SETBP1: variants seen among roughly 807,000 people sequenced by gnomAD.
SETBP1 encodes the protein SET binding protein 1.
A neutral mutation model predicts 101.0 loss-of-function variants in SETBP1; 9 were observed. The ratio of observed to expected loss-of-function variants is 0.09; its 90% CI spans 0.05 to 0.16. SETBP1 has a LOEUF of 0.16. Ranked by LOEUF, SETBP1 falls within the 10% of genes least tolerant of loss-of-function variation. The pLI is 1.00. For missense variants in SETBP1, 1,858 were observed against 2,033.8 expected, an observed-to-expected ratio of 0.91 and a Z score of 1.66; for synonymous variants, 818 against 788.5, an observed-to-expected ratio of 1.04 and a Z score of -0.63.
intron 3 of SETBP1, among the ~76,000 whole-genome samples, chr18:44,946,631 A>G (rs749855456): frequency 3.3e-5 from 5 of 152,140 alleles, no homozygotes; most frequent in Non-Finnish European, 5.9e-5. Flanking sequence ...TTAGTAGTGT[A>G]TTGTCTTTTG....
intron 2 of SETBP1, among the ~76,000 whole-genome samples, chr18:44,833,448 G>A (rs1164865898): frequency 1.3e-5 from 2 of 152,176 alleles, no homozygotes; most frequent in African/African-American, 4.8e-5. Context: ...GGTTGTTGGA[G>A]TCTGGAAGAC....
chr18:44,733,289 G>A (rs2069879427), intron 2 of SETBP1: 1 of 152,222 alleles, frequency 6.6e-6, no homozygotes, highest in Non-Finnish European at 1.5e-5. Flanking sequence ...TGGAAGTTGG[G>A]GATGTCAGTG....
chr18:44,734,868 T>A (rs879173942), intron 2 of SETBP1, among the ~76,000 whole-genome samples: 1 of 152,204 alleles, frequency 6.6e-6, no homozygotes, highest in Admixed American at 6.5e-5. Context: ...GGATAAAGGG[T>A]TTAATTTATT....
At chr18:44,924,555 G>A (rs2070655522) in intron 3 of SETBP1, among the ~76,000 whole-genome samples, 1 of 152,062 alleles carries the variant, frequency 6.6e-6, no homozygotes, top group Non-Finnish European at 1.5e-5. Flanking sequence ...AGGTTCAGAG[G>A]AACAGTGAAT....
rs1158948389 is a variant in SETBP1 at position 44,870,290 on chromosome 18, T to C, written c.540+1007T>C. On this transcript the variant is annotated intron_variant, in intron 3 of 5. Transcript: ENST00000649279. ...CCCTTCTCCCATGTGAGCCACATCC[T>C]GTGCGCACCCTCTCACTGCTGAGGA... is the stretch of plus-strand genomic sequence containing the variant. The C allele has an allele frequency of 5.3e-5, 8 of 152,218 alleles. No homozygotes were observed. The South Asian group carries it at 8.3e-4, about 16-fold the overall frequency. The allele number at this position is 152,218 out of a possible 1,614,324, so 9.4% of individuals were successfully genotyped here. A position where few individuals can be genotyped will look rare whatever the true frequency, so the allele number is the denominator to read the frequency against.
chr18:44,742,977 CTGT>C (rs2070134540), intron 2 of SETBP1, among the ~76,000 whole-genome samples: 1 of 132,992 alleles, frequency 7.5e-6, no homozygotes, highest in African/African-American at 2.6e-5. Flanking sequence ...CTCTCCCCCC[CTGT>C]CCCGTTACCC....
intron 3 of SETBP1, among the ~76,000 whole-genome samples, chr18:44,895,567 G>A (rs1469493678): frequency 2.0e-5 from 3 of 152,098 alleles, no homozygotes; most frequent in Admixed American, 6.5e-5. Flanking sequence ...GCTGCTGAAC[G>A]TACCATAGCA....
intron 3 of SETBP1, chr18:44,869,577 G>T: frequency 3.1e-5 from 11 of 357,134 alleles, no homozygotes; most frequent in East Asian, 7.3e-5. Context: ...TTAGGAAAGG[G>T]TTAAACCAAT....
chr18:44,953,309 G>A lies in SETBP1; in HGVS notation c.3969G>A (p.Glu1323=), dbSNP rs766339248. Residue 1323 remains glutamate (E), a synonymous_variant, in exon 4 of 6, where the codon GAG becomes GAA. Coordinates refer to ENST00000649279, the MANE Select transcript of SETBP1 (RefSeq NM_015559.3). ...DIQAFKMNRK[E]RSSYDSSMSP... ...AAGCCTTCAAGATGAACCGCAAGGA[G>A]AGAAGTTCTTATGACTCCTCCATGT... 3.1e-6 allele frequency: 5 copies of A among 1,613,986 alleles called. No homozygotes were observed. The highest frequency in any genetic ancestry group is 4.5e-5 in the East Asian group (2 of 44,872).
At chr18:44,756,002 TC>T (rs1335135495) in intron 2 of SETBP1, among the ~76,000 whole-genome samples, 1 of 151,962 alleles carries the variant, frequency 6.6e-6, no homozygotes, top group African/African-American at 2.4e-5. Context: ...GATCACGAGG[TC>T]AGGAGATCAA....
intron 3 of SETBP1, chr18:44,876,763 G>A: frequency 6.6e-7 from 1 of 1,507,842 alleles, no homozygotes. Flanking sequence ...ACTTCGCATG[G>A]ATTCTGCAAA....
At chr18:44,846,091 T>A (rs375123329) in intron 2 of SETBP1, among the ~76,000 whole-genome samples, 65 of 152,304 alleles carry the variant, frequency 4.3e-4, no homozygotes, top group African/African-American at 1.5e-3. Flanking sequence ...TGCCCATGGC[T>A]CAATCCTTAA....
At chr18:44,691,751 G>T (rs2068937703) in intron 1 of SETBP1, among the ~76,000 whole-genome samples, 1 of 152,180 alleles carries the variant, frequency 6.6e-6, no homozygotes, top group Non-Finnish European at 1.5e-5. Context: ...TGATAAAAAG[G>T]TGGAAGGTAC....
intron 4 of SETBP1, among the ~76,000 whole-genome samples, chr18:44,962,574 C>T (rs1599382239): frequency 2.0e-5 from 3 of 152,078 alleles, no homozygotes; most frequent in South Asian, 2.1e-4. Context: ...AAGCAATCAG[C>T]GAGAATAATG....
intron 3 of SETBP1, among the ~76,000 whole-genome samples, chr18:44,922,723 C>G (rs1410979296): frequency 2.0e-5 from 3 of 152,196 alleles, no homozygotes; most frequent in Non-Finnish European, 2.9e-5. Context: ...TGAGCAGACA[C>G]ACAGCATTGC....
intron 4 of SETBP1, among the ~76,000 whole-genome samples, chr18:45,027,184 A>C (rs759084120): frequency 3.9e-5 from 6 of 152,168 alleles, no homozygotes; most frequent in Non-Finnish European, 8.8e-5. Flanking sequence ...CTTTAATGTA[A>C]ATCTATTATT....
intron 3 of SETBP1, among the ~76,000 whole-genome samples, chr18:44,888,066 C>G (rs2069689386): frequency 6.6e-6 from 1 of 152,082 alleles, no homozygotes; most frequent in African/African-American, 2.4e-5. Flanking sequence ...CAGTCAATCT[C>G]CATCCCAGAT....
At chr18:44,709,417 A>G (rs553800211) in intron 2 of SETBP1, among the ~76,000 whole-genome samples, 2 of 152,354 alleles carry the variant, frequency 1.3e-5, no homozygotes, top group East Asian at 3.9e-4. Context: ...CCCTGATTCC[A>G]GGAACATGGT....
chr18:44,862,060 A>C (rs1023937189), intron 2 of SETBP1, among the ~76,000 whole-genome samples: 2 of 152,218 alleles, frequency 1.3e-5, no homozygotes, highest in Non-Finnish European at 2.9e-5. Flanking sequence ...TTCCACCCAG[A>C]AGTTGAAATA....
Sources: gnomAD v4.1 joint callset for allele counts (sites outside exome capture counted in the v4.1 genomes callset) on GRCh38, gnomAD v4.1.1 for gene constraint, MANE v1.5 for transcripts, NCBI Gene and HGNC (gene_info 2026-07-23, HGNC 2026-07-21) for gene names.